The following NUP93 variants were observed in gnomAD, a reference collection of about 807,000 sequenced individuals.
NUP93 encodes nucleoporin 93, also known as nuclear pore complex protein Nup93.
A neutral mutation model predicts 107.8 loss-of-function variants in NUP93; 55 were observed. The ratio of observed to expected loss-of-function variants is 0.51; its 90% CI spans 0.41 to 0.64. NUP93 has a LOEUF of 0.64. NUP93 is among the 30% of genes least tolerant of loss of function. NUP93 has a pLI of 0.00. For missense variants in NUP93, 937 were observed against 1,044.7 expected (o/e 0.90, Z 1.42); for synonymous variants, 390 against 397.5 (o/e 0.98, Z 0.22).
chr16:56,753,632 T>C (rs1189158783), intron 2 of NUP93, among the ~76,000 whole-genome samples: 1 of 152,190 alleles, frequency 6.6e-6, no homozygotes, highest in Non-Finnish European at 1.5e-5. Flanking sequence ...TGCTCTGTAC[T>C]TTTGTCATCA....
At chr16:56,800,225 T>C (rs1347809442) in intron 4 of NUP93, among the ~76,000 whole-genome samples, 1 of 152,198 alleles carries the variant, frequency 6.6e-6, no homozygotes, top group African/African-American at 2.4e-5. Flanking sequence ...AATTATATTG[T>C]TGGCAATAGT....
chr16:56,808,767 TA>T (rs1419962271), intron 5 of NUP93, among the ~76,000 whole-genome samples: 1 of 142,446 alleles, frequency 7.0e-6, no homozygotes, highest in Non-Finnish European at 1.5e-5. Flanking sequence ...TAAAAATACA[TA>T]TATATAAATA....
intron 2 of NUP93, among the ~76,000 whole-genome samples, chr16:56,756,513 T>G (rs1398114478): frequency 1.3e-5 from 2 of 152,198 alleles, no homozygotes; most frequent in Non-Finnish European, 2.9e-5. Flanking sequence ...ATGGTGTATA[T>G]GTGCTACATT....
rs758148078 is a variant in NUP93 at position 56,830,562 on chromosome 16, T to G, written c.962T>G (p.Leu321Arg). Residue 321 changes from leucine to arginine, a missense_variant, in exon 10 of 22, where the codon CTA becomes CGA. Transcript: ENST00000308159. ...GEVEGHPVWA[L>R]IYYCMRCGDL... ...GTGGAAGGCCATCCTGTGTGGGCGC[T>G]AATTTACTACTGCATGCGCTGTGGA... 1 of 1,597,794 alleles carries G rather than the reference T, an allele frequency of 6.3e-7. No individual in the cohort carries two copies. Among genetic ancestry groups the G allele is most frequent in the East Asian group, 2.2e-5 (1 of 44,470 alleles).
intron 3 of NUP93, among the ~76,000 whole-genome samples, chr16:56,784,923 C>G (rs1342883020): frequency 6.6e-6 from 1 of 152,206 alleles, no homozygotes; most frequent in African/African-American, 2.4e-5. Context: ...TCAGCCTTTT[C>G]ATTGACATAG....
rs534699003 is a variant in NUP93 at position 56,759,492 on chromosome 16, T to A, written c.297+837T>A. Among the ~76,000 whole-genome samples the A allele has an allele frequency of 4.6e-5, 7 of 152,306 alleles. No individual in the cohort carries two copies. In the South Asian group the frequency reaches 1.5e-3, roughly 32 times the overall value. On this transcript the variant is annotated intron_variant, in intron 3 of 21. Coordinates refer to ENST00000308159, the MANE Select transcript of NUP93 (RefSeq NM_014669.5). ...TCTAATGGCCACATTTCTCCTGCAT[T>A]TATTTGAATTCAGAAACCTAAAACT...
At chr16:56,760,490 G>A (rs1427362098) in intron 3 of NUP93, among the ~76,000 whole-genome samples, 1 of 152,178 alleles carries the variant, frequency 6.6e-6, no homozygotes, top group African/African-American at 2.4e-5. Flanking sequence ...TTCTGGGGAG[G>A]CCTCAGGGAG....
chr16:56,783,981 C>T, intron 3 of NUP93: 1 of 757,668 alleles, frequency 1.3e-6, no homozygotes, highest in Non-Finnish European at 1.6e-6. Flanking sequence ...AAGTGTAACG[C>T]AGAGGTTCTG....
intron 8 of NUP93, among the ~76,000 whole-genome samples, chr16:56,827,071 T>TAAAAAA (rs1567407800): frequency 2.9e-5 from 2 of 69,224 alleles, no homozygotes; most frequent in African/African-American, 1.0e-4. Flanking sequence ...AAAAAAAAAT[T>TAAAAAA]TTGTTGAGTC....
intron 5 of NUP93, among the ~76,000 whole-genome samples, chr16:56,815,884 C>CTGCTGG (rs1567402581): frequency 7.3e-6 from 1 of 137,522 alleles, no homozygotes; most frequent in African/African-American, 2.6e-5. Flanking sequence ...GCTGCTGCTG[C>CTGCTGG]TGCTGCTGCT....
At chr16:56,748,030 T>G in intron 1 of NUP93, 1 of 415,770 alleles carries the variant, frequency 2.4e-6, no homozygotes, top group Non-Finnish European at 4.4e-6. Flanking sequence ...ACAGAAATGA[T>G]CTGTTTTTTC....
intron 1 of NUP93, among the ~76,000 whole-genome samples, chr16:56,742,448 T>G (rs1961754362): frequency 1.3e-5 from 2 of 152,252 alleles, no homozygotes; most frequent in Non-Finnish European, 2.9e-5. Context: ...GAAAATTATA[T>G]GAAACTCAAA....
chr16:56,830,714 G>A (rs1326866476), intron 10 of NUP93, 29 bp downstream of exon 10: 5 of 1,517,216 alleles, frequency 3.3e-6, no homozygotes, highest in African/African-American at 1.4e-5. Context: ...CACGCCCAGG[G>A]GCAGCCATGC....
Position 56,747,877 on chromosome 16 carries a change from T to C in NUP93, c.-14-357T>C, listed in dbSNP as rs1006366154. On this transcript the variant is annotated intron_variant, in intron 1 of 21. Coordinates refer to ENST00000308159, the MANE Select transcript of NUP93 (RefSeq NM_014669.5). ...AATAAGAGGTGCAGGTTGACTGTTCTTTAAGCCTCCTAGAGTGCCACAGTG... is the reference window on the plus strand; with the variant it reads ...AATAAGAGGTGCAGGTTGACTGTTCCTTAAGCCTCCTAGAGTGCCACAGTG... 6.3e-5 allele frequency: 10 copies of C among 159,800 alleles called. No individual in the cohort carries two copies. In the East Asian group the frequency reaches 1.4e-3, roughly 23 times the overall value. The allele number at this position is 159,800 out of a possible 1,614,324, so 9.9% of individuals were successfully genotyped here. A position where few individuals can be genotyped will look rare whatever the true frequency, so the allele number is the denominator to read the frequency against.
At chr16:56,770,114 T>A (rs1424834103) in intron 3 of NUP93, among the ~76,000 whole-genome samples, 1 of 152,226 alleles carries the variant, frequency 6.6e-6, no homozygotes, top group Admixed American at 6.5e-5. Flanking sequence ...GCTATCTGGC[T>A]TTTATAAACA....
At chr16:56,794,070 A>G (rs555385474) in intron 3 of NUP93, among the ~76,000 whole-genome samples, 45 of 148,530 alleles carry the variant, frequency 3.0e-4, no homozygotes, top group Middle Eastern at 3.5e-3. Context: ...AGATAGATAG[A>G]TAGGTAGGTA....
chr16:56,765,912 G>T (rs997014300), intron 3 of NUP93, among the ~76,000 whole-genome samples: 1 of 152,166 alleles, frequency 6.6e-6, no homozygotes, highest in Non-Finnish European at 1.5e-5. Context: ...TAAGGGAAAA[G>T]GTAGGCATTG....
intron 3 of NUP93, among the ~76,000 whole-genome samples, chr16:56,787,717 TTGATGCATTCCCATTTTATAC>T (rs1280002514): frequency 2.6e-5 from 4 of 152,316 alleles, no homozygotes; most frequent in African/African-American, 9.6e-5. Context: ...AAGGCCACTA[TTGATGCATTCCCATTTTATAC>T]TGCAGTGCGG....
At chr16:56,821,752 T>C (rs762586736) in intron 7 of NUP93, among the ~76,000 whole-genome samples, 159 bp downstream of exon 7, 5 of 152,118 alleles carry the variant, frequency 3.3e-5, no homozygotes, top group Non-Finnish European at 5.9e-5. Flanking sequence ...TTGGGTGGTT[T>C]TCTTGATGAT....
Sources: gnomAD v4.1 joint callset for allele counts (sites outside exome capture counted in the v4.1 genomes callset) on GRCh38, gnomAD v4.1.1 for gene constraint, MANE v1.5 for transcripts, NCBI Gene and HGNC (gene_info 2026-07-23, HGNC 2026-07-21) for gene names.